The following SUPT3H variants were observed in gnomAD, a reference collection of about 807,000 sequenced individuals.
SUPT3H encodes the protein SPT3 homolog, SAGA and STAGA complex component.
SUPT3H carries 44 observed loss-of-function variants against 44.3 expected under a neutral mutation model. That is an observed-to-expected ratio of 0.99 (90% CI 0.78 to 1.28). The LOEUF is 1.28. Among genes scored for constraint, SUPT3H ranks in the 50% most tolerant of loss-of-function variants. SUPT3H has a pLI of 0.00. For missense variants in SUPT3H, 380 were observed against 387.1 expected (o/e 0.98, Z 0.15); for synonymous variants, 124 against 125.6 (o/e 0.99, Z 0.09).
intron 3 of SUPT3H, among the ~76,000 whole-genome samples, chr6:45,060,383 A>G (rs1420575081): frequency 6.6e-6 from 1 of 152,192 alleles, no homozygotes; most frequent in Admixed American, 6.5e-5. Context: ...TGCTGGGAGA[A>G]CTGGCTGGCC....
intron 2 of SUPT3H, among the ~76,000 whole-genome samples, chr6:45,179,580 A>C (rs1169152754): frequency 1.3e-5 from 2 of 152,184 alleles, no homozygotes; most frequent in Non-Finnish European, 1.5e-5. Flanking sequence ...CAATATACGC[A>C]AATCAATAAA....
chr6:45,255,418 G>C (rs907251250), intron 2 of SUPT3H, among the ~76,000 whole-genome samples: 6 of 116,234 alleles, frequency 5.2e-5, no homozygotes, highest in Non-Finnish European at 8.4e-5. Flanking sequence ...CCTATAATAG[G>C]TTTTTTTTTT....
Position 44,961,828 on chromosome 6 carries a change from T to C in SUPT3H, c.505A>G (p.Arg169Gly). The change falls in exon 7 of 11, where the codon AGA (arginine) becomes GGA (glycine). Residue 169 changes from arginine (R) to glycine (G), a missense_variant and splice_region_variant. Transcript: ENST00000371459. ...IDEVKQERME[R>G]AERQTRIMDS... ...ATAATTCGAGTTTGTCTTTCTGCTC[T>C]CTAAAAGATAAAAATACATAACATT... 6.3e-7 allele frequency: 1 copy of C among 1,599,700 alleles called. No individual in the cohort carries two copies. Among genetic ancestry groups the C allele is most frequent in the Non-Finnish European group, 8.5e-7 (1 of 1,173,154 alleles).
chr6:45,178,311 A>G (rs1031234828), intron 2 of SUPT3H, among the ~76,000 whole-genome samples: 3 of 152,196 alleles, frequency 2.0e-5, no homozygotes, highest in Non-Finnish European at 2.9e-5. Context: ...AAAGATCAAA[A>G]GAGACAAGGC....
At chr6:45,177,891 G>A (rs1490933147) in intron 2 of SUPT3H, among the ~76,000 whole-genome samples, 2 of 151,940 alleles carry the variant, frequency 1.3e-5, no homozygotes, top group African/African-American at 2.4e-5. Flanking sequence ...TCACCACCAG[G>A]CCTGCCCTAA....
intron 2 of SUPT3H, among the ~76,000 whole-genome samples, chr6:45,205,342 T>G (rs1763061381): frequency 6.6e-6 from 1 of 152,190 alleles, no homozygotes; most frequent in Admixed American, 6.5e-5. Context: ...TTTGCACTAT[T>G]GGAATGATCT....
chr6:45,252,896 G>C (rs1056557336), intron 2 of SUPT3H, among the ~76,000 whole-genome samples: 1 of 152,014 alleles, frequency 6.6e-6, no homozygotes, highest in African/African-American at 2.4e-5. Context: ...TTATTCCTGG[G>C]AGGACTGGAT....
At chr6:45,181,973 C>T (rs887657827) in intron 2 of SUPT3H, among the ~76,000 whole-genome samples, 2 of 151,976 alleles carry the variant, frequency 1.3e-5, no homozygotes, top group African/African-American at 4.8e-5. Context: ...AAAATAAATA[C>T]AAGTTGTATT....
At chr6:44,965,474 T>C (rs1776644431) in intron 6 of SUPT3H, among the ~76,000 whole-genome samples, 1 of 152,206 alleles carries the variant, frequency 6.6e-6, no homozygotes, top group Non-Finnish European at 1.5e-5. Context: ...AGGGAGTTCA[T>C]GAAATCAGAG....
chr6:44,969,350 T>C (rs1159220109), intron 6 of SUPT3H, among the ~76,000 whole-genome samples: 2 of 152,228 alleles, frequency 1.3e-5, no homozygotes, highest in African/African-American at 4.8e-5. Context: ...TGATAGTATT[T>C]ATCTCTGGAG....
intron 3 of SUPT3H, among the ~76,000 whole-genome samples, chr6:45,075,251 T>C (rs940519128): frequency 2.6e-5 from 4 of 152,100 alleles, no homozygotes; most frequent in Admixed American, 6.6e-5. Context: ...CATTTTTAAA[T>C]ACCTTCCTAA....
intron 2 of SUPT3H, among the ~76,000 whole-genome samples, chr6:45,226,687 A>C (rs1396275423): frequency 6.6e-6 from 1 of 152,100 alleles, no homozygotes; most frequent in East Asian, 1.9e-4. Context: ...CCATGCCACC[A>C]CACCCAGCTA....
At chr6:45,050,584 T>G (rs141400745) in intron 3 of SUPT3H, among the ~76,000 whole-genome samples, 65 of 152,300 alleles carry the variant, frequency 4.3e-4, no homozygotes, top group Middle Eastern at 6.8e-3. Flanking sequence ...TGGTCTCCAC[T>G]GCAGTATTCA....
At chr6:45,363,457 A>G (rs764994840) in intron 2 of SUPT3H, among the ~76,000 whole-genome samples, 20 of 152,192 alleles carry the variant, frequency 1.3e-4, no homozygotes, top group Non-Finnish European at 2.5e-4. Flanking sequence ...TGTTAAAGCC[A>G]GATTATGGAT....
intron 10 of SUPT3H, among the ~76,000 whole-genome samples, chr6:44,869,277 G>A (rs1183966595): frequency 6.6e-6 from 1 of 151,814 alleles, no homozygotes. Context: ...TGACAATACT[G>A]AAAAAGCCCT....
At chr6:44,879,796 T>G (rs1035945121) in intron 10 of SUPT3H, among the ~76,000 whole-genome samples, 1 of 151,932 alleles carries the variant, frequency 6.6e-6, no homozygotes, top group African/African-American at 2.4e-5. Context: ...GGGTCTGGAG[T>G]GGACCTCCAG....
intron 2 of SUPT3H, among the ~76,000 whole-genome samples, chr6:45,323,971 AG>A (rs1324132973): frequency 6.6e-6 from 1 of 152,084 alleles, no homozygotes; most frequent in Non-Finnish European, 1.5e-5. Flanking sequence ...TGGTTTTGTC[AG>A]TAGCATGTTT....
intron 9 of SUPT3H, among the ~76,000 whole-genome samples, chr6:44,945,598 C>T (rs1773211293): frequency 6.6e-6 from 1 of 152,194 alleles, no homozygotes; most frequent in Non-Finnish European, 1.5e-5. Context: ...CTAGCCATGA[C>T]ATTTCCTTAA....
chr6:44,964,878 C>A (rs1179317381), intron 6 of SUPT3H, among the ~76,000 whole-genome samples: 1 of 152,188 alleles, frequency 6.6e-6, no homozygotes, highest in South Asian at 2.1e-4. Flanking sequence ...TTGTTCAAAT[C>A]TCTTCAATTC....
Sources: allele counts gnomAD v4.1 joint callset (sites outside exome capture counted in the v4.1 genomes callset), GRCh38; gene constraint gnomAD v4.1.1; transcripts MANE v1.5; gene names NCBI Gene and HGNC (gene_info 2026-07-23, HGNC 2026-07-21).